Variants in NADK observed in about 807,000 individuals in gnomAD.
NADK encodes NAD kinase, also known as poly(P)/ATP NAD kinase.
A neutral mutation model predicts 49.8 loss-of-function variants in NADK; 22 were observed. That is an observed-to-expected ratio of 0.44 (90% CI 0.32 to 0.63). NADK has a LOEUF of 0.63. NADK is among the 30% of genes least tolerant of loss of function. The probability of loss-of-function intolerance (pLI) is 0.06; values close to 1 mark genes in which losing one functional copy is unlikely to be tolerated. For synonymous variants in NADK, 268 were observed against 253.7 expected (o/e 1.06, Z -0.54); for missense variants, 438 against 609.4 (o/e 0.72, Z 2.96).
chr1:1,774,971 C>T (rs1262547268), intron 1 of NADK, among the ~76,000 whole-genome samples: 2 of 151,700 alleles, frequency 1.3e-5, no homozygotes, highest in Non-Finnish European at 2.9e-5. Context: ...TAGCTGGGCG[C>T]GGTGGCAGGC....
chr1:1,762,522 G>A (rs1390186965), intron 2 of NADK, among the ~76,000 whole-genome samples: 4 of 152,212 alleles, frequency 2.6e-5, no homozygotes, highest in African/African-American at 9.6e-5. Flanking sequence ...TCAGGAGGCT[G>A]AGGTGGGTGG....
At chr1:1,755,752 C>T (rs1201697570) in intron 6 of NADK, among the ~76,000 whole-genome samples, 4 of 145,954 alleles carry the variant, frequency 2.7e-5, no homozygotes, top group Admixed American at 6.8e-5. Flanking sequence ...CTGGCGAGGG[C>T]GGGTGGGAGG....
Position 1,754,522 on chromosome 1 carries a change from A to G in NADK, c.843+22T>C. On this transcript the variant is annotated intron_variant, in intron 8 of 11. Transcript: ENST00000341426. The surrounding 1 kb of genome is among the most constrained non-coding windows in gnomAD (Gnocchi z 4.3). ...TCGCCCCACCCTGGGCCCCTCACCG[A>G]GGCCGAGGCGCCTCCACTCACCTGG... 1 of 1,600,102 alleles carries G rather than the reference A, an allele frequency of 6.2e-7. No homozygotes were observed. The highest frequency in any genetic ancestry group is 8.5e-7 in the Non-Finnish European group (1 of 1,172,602).
At chr1:1,767,378 CAT>C (rs781101436) in intron 1 of NADK, among the ~76,000 whole-genome samples, 1 of 152,198 alleles carries the variant, frequency 6.6e-6, no homozygotes, top group Non-Finnish European at 1.5e-5. Context: ...CTGGAGGTGA[CAT>C]AAACAGGCTG....
At chr1:1,770,206 A>C (rs1016311131) in intron 1 of NADK, among the ~76,000 whole-genome samples, 2 of 151,838 alleles carry the variant, frequency 1.3e-5, no homozygotes, top group Non-Finnish European at 2.9e-5. Context: ...AGAAAAAAAA[A>C]CCATGAAAAA....
Position 1,754,002 on chromosome 1 carries a change from C to A in NADK, c.1101+49G>T. ...TGCTAGGTCCCGGCTTTGTGTTGCACGGGGTCAAATGACTCACAAACCGGA... is the reference window on the plus strand; with the variant it reads ...TGCTAGGTCCCGGCTTTGTGTTGCAAGGGGTCAAATGACTCACAAACCGGA... On this transcript the variant is annotated intron_variant, in intron 10 of 11. Transcript: ENST00000341426. This position sits in a 1 kb window ranked among gnomAD's most constrained non-coding sequence, Gnocchi z 4.3. The A allele has an allele frequency of 1.3e-6, 2 of 1,528,240 alleles. No homozygotes were observed. Among genetic ancestry groups the A allele is most frequent in the Non-Finnish European group, 8.8e-7 (1 of 1,140,948 alleles). The allele number at this position is 1,528,240 out of a possible 1,614,324, so 94.7% of individuals were successfully genotyped here.
At position 1,752,664 on chromosome 1, in the gene NADK, G is replaced by C; in HGVS notation, c.*240C>G. The C allele has an allele frequency of 2.2e-6, 1 of 454,054 alleles. No homozygotes were observed. 28.1% of individuals were successfully genotyped at this position (454,054 alleles called of 1,614,324 possible). A position where few individuals can be genotyped will look rare whatever the true frequency, so the allele number is the denominator to read the frequency against. ...GCGCTCCAGGGACCCACCGCGGGGT[G>C]TCAGCAGGACAGAAGCACTCCCAGC... On this transcript the variant is annotated 3_prime_UTR_variant, in exon 12 of 12. Coordinates refer to ENST00000341426, the MANE Select transcript of NADK (RefSeq NM_023018.5).
intron 1 of NADK, among the ~76,000 whole-genome samples, chr1:1,777,644 T>C (rs1646251307): frequency 6.6e-6 from 1 of 150,684 alleles, no homozygotes; most frequent in African/African-American, 2.4e-5. Flanking sequence ...GTCCTTGGCC[T>C]GGGAAGGAAA....
At position 1,757,211 on chromosome 1, in the gene NADK, C is replaced by T. The variant is rs778529076; in HGVS notation, c.363G>A (p.Pro121=). The T allele has an allele frequency of 1.3e-5, 20 of 1,503,006 alleles. No individual in the cohort carries two copies. Among genetic ancestry groups the T allele is most frequent in the East Asian group, 2.8e-5 (1 of 35,910 alleles). 93.1% of individuals were successfully genotyped at this position (1,503,006 alleles called of 1,614,324 possible). ...TGAGGTGCGTGCAGAGCTCCTTGAA[C>T]GGCTGCAGTAGGCTGGCATCTCTCA... is the stretch of plus-strand genomic sequence containing the variant. ...KKMRDASLLQ[P]FKELCTHLME... Residue 121 remains proline, a synonymous_variant, in exon 4 of 12, where the codon CCG becomes CCA. Coordinates refer to ENST00000341426, the MANE Select transcript of NADK (RefSeq NM_023018.5).
chr1:1,754,370 A>C lies in NADK; in HGVS notation c.857T>G (p.Val286Gly). 6.2e-7 allele frequency: 1 copy of C among 1,613,528 alleles called. No individual in the cohort carries two copies. Among genetic ancestry groups the C allele is most frequent in the Non-Finnish European group, 8.5e-7 (1 of 1,179,834 alleles). Residue 286 changes from valine to glycine, a missense_variant, in exon 9 of 12, where the codon GTG (valine) becomes GGG (glycine). Val to Gly is a moderately radical substitution (Grantham distance 109, BLOSUM62 -3). Transcript: ENST00000341426. The surrounding 1 kb of genome is among the most constrained non-coding windows in gnomAD (Gnocchi z 4.3). ...GGAGGAGGGGCCTCTGTCAATCACC[A>C]CCTCATTCAGGACCTGGAGGGGCGA... ...QAMQYQVLNEVVIDRGPSSYL... is the reference protein window; with the variant it reads ...QAMQYQVLNEGVIDRGPSSYL...
chr1:1,759,941 CG>C, intron 3 of NADK: 1 of 1,546,744 alleles, frequency 6.5e-7, no homozygotes, highest in Non-Finnish European at 8.7e-7. Flanking sequence ...CACCAGGCAG[CG>C]GGGGAGAGGC....
At chr1:1,772,219 G>C (rs1364850652) in intron 1 of NADK, among the ~76,000 whole-genome samples, 1 of 151,356 alleles carries the variant, frequency 6.6e-6, no homozygotes, top group African/African-American at 2.4e-5. Flanking sequence ...CTGGAGTACA[G>C]TGATGTAATC....
Position 1,754,781 on chromosome 1 carries a change from T to C in NADK, c.689-83A>G. The C allele has an allele frequency of 7.6e-7, 1 of 1,314,940 alleles. No homozygotes were observed. Among genetic ancestry groups the C allele is most frequent in the South Asian group, 1.4e-5 (1 of 70,240 alleles). 81.5% of individuals were successfully genotyped at this position (1,314,940 alleles called of 1,614,324 possible). ...CCCACCCCAGGGAGGCCAGTGGGAG[T>C]CAGAGGGCTCTTTCTTCTCCCAAGT... is the stretch of plus-strand genomic sequence containing the variant. On this transcript the variant is annotated intron_variant, in intron 7 of 11. Coordinates refer to ENST00000341426, the MANE Select transcript of NADK (RefSeq NM_023018.5). This position sits in a 1 kb window ranked among gnomAD's most constrained non-coding sequence, Gnocchi z 4.3.
At chr1:1,759,581 CG>C (rs368405310) in intron 3 of NADK, among the ~76,000 whole-genome samples, 5 of 152,362 alleles carry the variant, frequency 3.3e-5, no homozygotes, top group African/African-American at 7.2e-5. Context: ...TCAGGGAAGA[CG>C]GAAGTTCAGA....
chr1:1,753,005 C>T lies in NADK; in HGVS notation c.1240G>A (p.Val414Met), dbSNP rs763529709. The change falls in exon 12 of 12, where the codon GTG becomes ATG. Residue 414 changes from valine (V) to methionine (M), a missense_variant. Transcript: ENST00000341426. Reference sequence around the variant, plus strand: ...GCGAGGCTCTCAAACCAGTCGCTCACGGGGTCCCGCACACAGATGGAGGGG... The same window carrying T: ...GCGAGGCTCTCAAACCAGTCGCTCATGGGGTCCCGCACACAGATGGAGGGG... ...PLPSICVRDP[V>M]SDWFESLAQC... The T allele has an allele frequency of 4.5e-5, 73 of 1,608,720 alleles. No individual in the cohort carries two copies. Among genetic ancestry groups the T allele is most frequent in the Non-Finnish European group, 5.6e-5 (66 of 1,177,996 alleles).
intron 3 of NADK, chr1:1,759,149 C>T (rs1156577611): frequency 1.3e-6 from 2 of 1,557,492 alleles, no homozygotes; most frequent in Admixed American, 3.8e-5. Flanking sequence ...CAGCTGAGCC[C>T]AGCCAGAGCC....
intron 2 of NADK, among the ~76,000 whole-genome samples, chr1:1,763,082 C>T (rs562750409): frequency 3.3e-5 from 5 of 152,382 alleles, no homozygotes; most frequent in Admixed American, 3.3e-4. Flanking sequence ...CGCTGCCTCG[C>T]AGGGCCAGAC....
At chr1:1,756,926 C>A in intron 4 of NADK, 1 of 816,018 alleles carries the variant, frequency 1.2e-6, no homozygotes. Context: ...AGATGTGGCC[C>A]CTTGATCTCG....
chr1:1,753,664 G>T lies in NADK; in HGVS notation c.1102-15C>A. The T allele has an allele frequency of 6.3e-7, 1 of 1,595,822 alleles. No individual in the cohort carries two copies. On this transcript the variant is annotated splice_polypyrimidine_tract_variant and intron_variant, in intron 10 of 11. Coordinates refer to ENST00000341426, the MANE Select transcript of NADK (RefSeq NM_023018.5). ...GACAGCATGATCTGAGGGTCAAGCA[G>T]GGAGAGGTGTGGGCCCCCAGCTGTG...
Sources: gnomAD v4.1 joint callset for allele counts (sites outside exome capture counted in the v4.1 genomes callset) on GRCh38, gnomAD v4.1.1 for gene constraint, Gnocchi (gnomAD v3.1) non-coding constraint, MANE v1.5 for transcripts, NCBI Gene and HGNC (gene_info 2026-07-23, HGNC 2026-07-21) for gene names.